Variants in CDH13 observed in about 807,000 individuals in gnomAD.
CDH13 encodes the protein cadherin-13.
A neutral mutation model predicts 63.8 loss-of-function variants in CDH13; 24 were observed. That is an observed-to-expected ratio of 0.38 (90% CI 0.27 to 0.53). The LOEUF (loss-of-function observed/expected upper bound fraction) is 0.53. CDH13 is among the 20% of genes least tolerant of loss of function. The pLI is 0.85. For synonymous variants in CDH13, 503 were observed against 355.3 expected, an observed-to-expected ratio of 1.42 and a Z score of -4.67; for missense variants, 1,049 against 903.1, an observed-to-expected ratio of 1.16 and a Z score of -2.07.
At chr16:83,145,378 T>C (rs1180133918) in intron 4 of CDH13, among the ~76,000 whole-genome samples, 3 of 152,172 alleles carry the variant, frequency 2.0e-5, no homozygotes, top group African/African-American at 2.4e-5. Context: ...AAAATAATTA[T>C]CAGAGAGCTT....
At chr16:83,082,166 G>A (rs1271794626) in intron 3 of CDH13, among the ~76,000 whole-genome samples, 2 of 152,154 alleles carry the variant, frequency 1.3e-5, no homozygotes, top group East Asian at 3.9e-4. Context: ...CTTCAACATA[G>A]TAATTTGGAG....
Position 83,623,606 on chromosome 16 carries a change from TAATCG to T in CDH13, c.1101+21013_1101+21017del, listed in dbSNP as rs547202795. 1.2e-4 allele frequency among the ~76,000 whole-genome samples: 18 copies of T among 152,296 alleles called. No homozygotes were observed. The East Asian group carries it at 3.5e-3, about 29-fold the overall frequency. On this transcript the variant is annotated intron_variant, in intron 8 of 13. Coordinates refer to ENST00000567109, the MANE Select transcript of CDH13 (RefSeq NM_001257.5). ...TACAAATAGGAACAGGTGTCTTTGC[TAATCG>T]CCCCTGAATGCACGGTTCAATTCAG...
At chr16:83,528,285 G>T (rs1237464761) in intron 7 of CDH13, among the ~76,000 whole-genome samples, 1 of 152,276 alleles carries the variant, frequency 6.6e-6, no homozygotes, top group East Asian at 1.9e-4. Flanking sequence ...AGGAAATTTT[G>T]GTTGATCACA....
At chr16:82,984,058 C>A (rs138650198) in intron 2 of CDH13, among the ~76,000 whole-genome samples, 1 of 152,160 alleles carries the variant, frequency 6.6e-6, no homozygotes, top group Non-Finnish European at 1.5e-5. Context: ...TGTAGAAATT[C>A]AAAAGTCCCA....
chr16:83,033,475 G>A (rs796560398), intron 3 of CDH13, among the ~76,000 whole-genome samples: 9 of 152,116 alleles, frequency 5.9e-5, no homozygotes, highest in African/African-American at 1.4e-4. Flanking sequence ...ATGTGTATAC[G>A]TATGTACAGG....
Position 82,871,652 on chromosome 16 carries a change from TAA to T in CDH13, c.157+13180_157+13181del, listed in dbSNP as rs2040344805. Among the ~76,000 whole-genome samples, 4 of 140,012 alleles carry T rather than the reference TAA, an allele frequency of 2.9e-5. No individual in the cohort carries two copies. The South Asian group carries it at 9.0e-4, about 32-fold the overall frequency. 91.9% of individuals were successfully genotyped at this position (140,012 alleles called of 152,430 possible). On this transcript the variant is annotated intron_variant, in intron 2 of 13. Coordinates refer to ENST00000567109, the MANE Select transcript of CDH13 (RefSeq NM_001257.5). ...GGGCTGTTTTGACTGTAATCAACAG[TAA>T]CACAACTCCAACTAGCCTCAGCAAA... is the stretch of plus-strand genomic sequence containing the variant.
chr16:82,874,352 G>A (rs1454440460), intron 2 of CDH13, among the ~76,000 whole-genome samples: 3 of 151,790 alleles, frequency 2.0e-5, no homozygotes, highest in Non-Finnish European at 2.9e-5. Flanking sequence ...TTCACATCCC[G>A]GCCACTTCTG....
chr16:83,422,382 A>G (rs1203423413), intron 6 of CDH13, among the ~76,000 whole-genome samples: 3 of 152,224 alleles, frequency 2.0e-5, no homozygotes, highest in Non-Finnish European at 4.4e-5. Flanking sequence ...TTTGATCATG[A>G]TGAACTAGAA....
At chr16:82,719,739 G>A (rs1039135998) in intron 1 of CDH13, among the ~76,000 whole-genome samples, 4 of 151,310 alleles carry the variant, frequency 2.6e-5, no homozygotes, top group South Asian at 2.1e-4. Flanking sequence ...CCGGCTACTC[G>A]GGAGGCTGAA....
chr16:83,260,352 A>G (rs1046979918), intron 5 of CDH13, among the ~76,000 whole-genome samples: 1 of 152,178 alleles, frequency 6.6e-6, no homozygotes. Flanking sequence ...AAGTGGAGGG[A>G]CAGGAATGAG....
intron 10 of CDH13, among the ~76,000 whole-genome samples, chr16:83,707,627 G>A (rs1455238198): frequency 1.3e-5 from 2 of 151,950 alleles, no homozygotes; most frequent in East Asian, 1.9e-4. Flanking sequence ...TTCTGGCTGA[G>A]TTCCTATAAG....
intron 5 of CDH13, among the ~76,000 whole-genome samples, chr16:83,278,428 G>A (rs111672111): frequency 6.6e-6 from 1 of 152,166 alleles, no homozygotes; most frequent in African/African-American, 2.4e-5. Flanking sequence ...TTGTGGTAAA[G>A]GTTTAATGAA....
At chr16:82,668,738 C>G (rs909389874) in intron 1 of CDH13, among the ~76,000 whole-genome samples, 27 of 152,124 alleles carry the variant, frequency 1.8e-4, no homozygotes, top group Non-Finnish European at 2.9e-4. Flanking sequence ...TGTTCAGTAA[C>G]TTGGGCCTCC....
chr16:82,911,275 G>C (rs1490726630), intron 2 of CDH13, among the ~76,000 whole-genome samples: 1 of 152,202 alleles, frequency 6.6e-6, no homozygotes, highest in African/African-American at 2.4e-5. Flanking sequence ...AAAAGAGTCA[G>C]ATTCAGAGTT....
intron 7 of CDH13, among the ~76,000 whole-genome samples, chr16:83,584,310 T>C (rs1322006434): frequency 6.6e-6 from 1 of 152,088 alleles, no homozygotes; most frequent in Non-Finnish European, 1.5e-5. Context: ...GCCCGGGCAA[T>C]AGAGCAAGAC....
At chr16:83,456,599 C>T (rs944494221) in intron 6 of CDH13, among the ~76,000 whole-genome samples, 2 of 152,088 alleles carry the variant, frequency 1.3e-5, no homozygotes, top group Non-Finnish European at 1.5e-5. Context: ...GAAGGAAGGG[C>T]ATTTCAGACG....
rs552572171 is a variant in CDH13 at position 83,767,840 on chromosome 16, T to TG, written c.1682-12125dup. Among the ~76,000 whole-genome samples, 432 of 152,272 alleles carry TG rather than the reference T, an allele frequency of 2.8e-3. 4 individuals carry two copies. The highest frequency in any genetic ancestry group is 9.7e-3 in the African/African-American group (405 of 41,554). On this transcript the variant is annotated intron_variant, in intron 11 of 13. Coordinates refer to ENST00000567109, the MANE Select transcript of CDH13 (RefSeq NM_001257.5). ...AAATTGATCAGTAGTTGCCAGGGGCTGGGAGTGGGCATGAAGAGTTAGTAC... is the reference window on the plus strand; with the variant it reads ...AAATTGATCAGTAGTTGCCAGGGGCTGGGGAGTGGGCATGAAGAGTTAGTAC...
At chr16:83,569,629 A>G (rs1440395412) in intron 7 of CDH13, among the ~76,000 whole-genome samples, 1 of 152,216 alleles carries the variant, frequency 6.6e-6, no homozygotes, top group East Asian at 1.9e-4. Context: ...CCAAGATAAC[A>G]AGATTTCTGT....
chr16:83,262,700 G>T (rs1469052491), intron 5 of CDH13, among the ~76,000 whole-genome samples: 2 of 152,170 alleles, frequency 1.3e-5, no homozygotes, highest in Admixed American at 1.3e-4. Context: ...AAGGGAAAGG[G>T]TTTCCTTAAA....
Sources: gnomAD v4.1 joint callset for allele counts (sites outside exome capture counted in the v4.1 genomes callset) on GRCh38, gnomAD v4.1.1 for gene constraint, MANE v1.5 for transcripts, NCBI Gene and HGNC (gene_info 2026-07-23, HGNC 2026-07-21) for gene names.